Variants in C4orf50 observed in about 807,000 individuals in gnomAD.
The protein encoded by C4orf50 is uncharacterized protein C4orf50.
C4orf50 carries 80 observed loss-of-function variants against 77.2 expected under a neutral mutation model. The ratio of observed to expected loss-of-function variants is 1.04; its 90% CI spans 0.87 to 1.25. C4orf50 has a LOEUF of 1.25. C4orf50 is among the 50% of genes most tolerant of loss of function. The pLI is 0.00. For missense variants in C4orf50, 1,257 were observed against 1,152.9 expected, an observed-to-expected ratio of 1.09 and a Z score of -1.31; for synonymous variants, 532 against 465.3, an observed-to-expected ratio of 1.14 and a Z score of -1.84.
In C4orf50 at chr4:5,963,490, G is replaced by T. The variant is rs572647483; in HGVS notation, c.4275+1534C>A. On this transcript the variant is annotated intron_variant, in intron 33 of 33. Coordinates refer to ENST00000531445, the Ensembl canonical transcript of C4orf50. ...TTTTTTTAATACCTCCTCTATTTTT[G>T]ATTCCAGGCACTATAATAAATACTT... 4.0e-5 allele frequency among the ~76,000 whole-genome samples: 6 copies of T among 151,862 alleles called. No individual in the cohort carries two copies. In the South Asian group the frequency reaches 1.0e-3, roughly 26 times the overall value.
chr4:5,941,964 G>A (rs1354800689), intron 7 of C4orf50, among the ~76,000 whole-genome samples: 3 of 152,092 alleles, frequency 2.0e-5, no homozygotes, highest in Non-Finnish European at 2.9e-5. Context: ...TCCCAAAAGC[G>A]CCTCCAATTA....
In C4orf50 at chr4:6,013,347, G is replaced by C. The variant is rs149375992; in HGVS notation, c.288-1379C>G. Among the ~76,000 whole-genome samples the C allele has an allele frequency of 5.8e-3, 887 of 152,232 alleles. 6 individuals carry two copies. The highest frequency in any genetic ancestry group is 0.02 in the African/African-American group (818 of 41,544). ...ACTTTCCGATGAGTTATACAATATG[G>C]GGAGATTTGCTAGGAAAAACAAAAG... is the stretch of plus-strand genomic sequence containing the variant. On this transcript the variant is annotated intron_variant, in intron 23 of 33. Coordinates refer to ENST00000531445, the Ensembl canonical transcript of C4orf50.
At chr4:6,013,966 A>AAGTGTGGATGATACTTTT (rs1722587388) in intron 23 of C4orf50, among the ~76,000 whole-genome samples, 1 of 151,924 alleles carries the variant, frequency 6.6e-6, no homozygotes, top group Non-Finnish European at 1.5e-5. Flanking sequence ...AACCAGTGAC[A>AAGTGTGGATGATACTTTT]AGTGTGGATG....
intron 32 of C4orf50, among the ~76,000 whole-genome samples, chr4:5,966,920 T>C (rs1719605462): frequency 6.6e-6 from 1 of 152,238 alleles, no homozygotes; most frequent in African/African-American, 2.4e-5. Flanking sequence ...AGTGCTGGGA[T>C]TACAGGCGTG....
intron 29 of C4orf50, among the ~76,000 whole-genome samples, chr4:5,977,715 C>T (rs1384068779): frequency 1.3e-5 from 2 of 152,198 alleles, no homozygotes; most frequent in East Asian, 3.9e-4. Flanking sequence ...GAGTAAAATT[C>T]CAGCCTTAAG....
At chr4:5,948,069 C>T (rs1718557913) in intron 7 of C4orf50, among the ~76,000 whole-genome samples, 1 of 152,180 alleles carries the variant, frequency 6.6e-6, no homozygotes, top group Non-Finnish European at 1.5e-5. Context: ...CTTTTCTCTC[C>T]CACAGGTCTG....
intron 25 of C4orf50, among the ~76,000 whole-genome samples, chr4:5,994,855 G>C (rs1394815261): frequency 6.6e-6 from 1 of 152,148 alleles, no homozygotes; most frequent in Non-Finnish European, 1.5e-5. Context: ...AGCAGCAGGC[G>C]AGCAGGCATT....
At chr4:5,993,018 G>C (rs904017677) in intron 26 of C4orf50, 88 bp from the exon 5 acceptor site, 4 of 395,748 alleles carry the variant, frequency 1.0e-5, no homozygotes, top group African/African-American at 6.2e-5. Context: ...CCCCAGGCTT[G>C]GGTAAGATGG....
In C4orf50 at chr4:5,925,316, C is replaced by A. The variant is rs189178791; in HGVS notation, c.*2475-27128G>T. ...TAGTGGGGAGGGCTGTTGGGGGACC[C>A]CCAGGCCGCTGGATCCCCAACTCTC... On this transcript the variant is annotated intron_variant, in intron 7 of 7. Transcript: ENST00000324058. 3.9e-4 allele frequency among the ~76,000 whole-genome samples: 59 copies of A among 152,238 alleles called. No individual in the cohort carries two copies. In the East Asian group the frequency reaches 9.9e-3, roughly 26 times the overall value.
At chr4:5,915,253 C>T (rs1355737558) in intron 7 of C4orf50, among the ~76,000 whole-genome samples, 1 of 152,196 alleles carries the variant, frequency 6.6e-6, no homozygotes, top group Non-Finnish European at 1.5e-5. Flanking sequence ...GTCAACATCA[C>T]CATTTCCCAT....
At position 6,018,371 on chromosome 4, in the gene C4orf50, T is replaced by TG. The variant is rs755491499; in HGVS notation, c.60dup (p.Ser21GlnfsTer3). 28 of 398,914 alleles carry TG rather than the reference T, an allele frequency of 7.0e-5. No individual in the cohort carries two copies. Among genetic ancestry groups the TG allele is most frequent in the Non-Finnish European group, 1.2e-4 (26 of 226,084 alleles). The allele number at this position is 398,914 out of a possible 1,614,324, so 24.7% of individuals were successfully genotyped here. On this transcript the variant is annotated frameshift_variant, in exon 23 of 34. Coordinates refer to ENST00000531445, the Ensembl canonical transcript of C4orf50. LOFTEE classifies it high-confidence loss of function. This position sits in a 1 kb window ranked among gnomAD's most constrained non-coding sequence, Gnocchi z 5.1. ...TTCATTATGTCGAACCCCTCACTGC[T>TG]GGGGGCTCTGATGACGTAGCTGAAA...
intron 7 of C4orf50, among the ~76,000 whole-genome samples, chr4:5,924,461 C>T (rs988925992): frequency 7.9e-5 from 12 of 152,184 alleles, no homozygotes; most frequent in Middle Eastern, 3.2e-3. Context: ...CTGCCCCACA[C>T]CCAGGGCCAG....
In C4orf50 at chr4:6,017,555, A is replaced by G. The variant is rs1722726419; in HGVS notation, c.287+590T>C. Among the ~76,000 whole-genome samples, 1 of 152,200 alleles carries G rather than the reference A, an allele frequency of 6.6e-6. No homozygotes were observed. Among genetic ancestry groups the G allele is most frequent in the Admixed American group, 6.5e-5 (1 of 15,284 alleles). ...AGTTTCCTCCAAAACAACCCTTGTC[A>G]TTGCAGAAACCATAGGCTGTGATGC... On this transcript the variant is annotated intron_variant, in intron 23 of 33. Coordinates refer to ENST00000531445, the Ensembl canonical transcript of C4orf50. The surrounding 1 kb of genome is among the most constrained non-coding windows in gnomAD (Gnocchi z 4.7).
chr4:5,921,658 G>A (rs540440398), intron 7 of C4orf50, among the ~76,000 whole-genome samples: 1 of 152,278 alleles, frequency 6.6e-6, no homozygotes, highest in Admixed American at 6.5e-5. Context: ...GGCAGGCAGA[G>A]CTGGAGAGAG....
chr4:5,986,730 G>T (rs953298234), intron 28 of C4orf50, among the ~76,000 whole-genome samples: 6 of 151,842 alleles, frequency 4.0e-5, no homozygotes, highest in African/African-American at 9.7e-5. Flanking sequence ...GTAGAGATGG[G>T]GTTTCACCAT....
In C4orf50 at chr4:5,991,193, A is replaced by C. The variant is rs190041851; in HGVS notation, c.1222-369T>G. On this transcript the variant is annotated intron_variant, in intron 27 of 33. Coordinates refer to ENST00000531445, the Ensembl canonical transcript of C4orf50. ...CACACCATATTATATATTTCTGTCT[A>C]TATCATCTAACTCCCCCTATAGCCC... Among the ~76,000 whole-genome samples, 8 of 152,292 alleles carry C rather than the reference A, an allele frequency of 5.3e-5. No homozygotes were observed. In the East Asian group the frequency reaches 1.4e-3, roughly 26 times the overall value.
At chr4:5,921,783 T>G (rs997089148) in intron 7 of C4orf50, among the ~76,000 whole-genome samples, 1 of 150,972 alleles carries the variant, frequency 6.6e-6, no homozygotes, top group Non-Finnish European at 1.5e-5. Context: ...CACACAGGAG[T>G]GATATAAAAA....
exon 8 of C4orf50, chr4:5,897,731 T>C (rs1245189593): frequency 6.6e-6 from 1 of 152,176 alleles, no homozygotes; most frequent in African/African-American, 2.4e-5. Context: ...AATGGAGCGA[T>C]CATTACAAAT....
At chr4:5,965,685 C>T (rs1018500394) in intron 32 of C4orf50, among the ~76,000 whole-genome samples, 1 of 152,164 alleles carries the variant, frequency 6.6e-6, no homozygotes, top group Non-Finnish European at 1.5e-5. Context: ...CCAAGTCAGG[C>T]TGTAGGTACA....
Sources: gnomAD v4.1 joint callset for allele counts (sites outside exome capture counted in the v4.1 genomes callset) on GRCh38, gnomAD v4.1.1 for gene constraint, Gnocchi (gnomAD v3.1) non-coding constraint, MANE v1.5 for transcripts, NCBI Gene and HGNC (gene_info 2026-07-23, HGNC 2026-07-21) for gene names.